Variants in KDM4C observed in about 807,000 individuals in gnomAD.
KDM4C encodes lysine demethylase 4C.
A neutral mutation model predicts 129.3 loss-of-function variants in KDM4C; 81 were observed. That is an observed-to-expected ratio of 0.63 (90% CI 0.52 to 0.75). The LOEUF (loss-of-function observed/expected upper bound fraction) is 0.75, where lower values mean the gene tolerates loss of function less well. KDM4C is among the 30% of genes least tolerant of loss of function. The probability of loss-of-function intolerance (pLI) is 0.00; values close to 1 mark genes in which losing one functional copy is unlikely to be tolerated. For missense variants in KDM4C, 1,457 were observed against 1,304.0 expected, an observed-to-expected ratio of 1.12 and a Z score of -1.81; for synonymous variants, 573 against 456.1, an observed-to-expected ratio of 1.26 and a Z score of -3.26.
Position 7,052,464 on chromosome 9 carries a change from T to C in KDM4C, c.2424+3264T>C, listed in dbSNP as rs187806464. Among the ~76,000 whole-genome samples, 45 of 152,348 alleles carry C rather than the reference T, an allele frequency of 3.0e-4. 1 individual carries two copies. In the East Asian group the frequency reaches 7.7e-3, roughly 26 times the overall value. On this transcript the variant is annotated intron_variant, in intron 17 of 21. Coordinates refer to ENST00000381309, the MANE Select transcript of KDM4C (RefSeq NM_015061.6). ...AATGACTGTGGCTGGAGGAGTGCGA[T>C]CAGACAATAACAAATGGCCTTTGCC...
At chr9:7,017,733 T>G (rs1396781615) in intron 15 of KDM4C, among the ~76,000 whole-genome samples, 1 of 152,220 alleles carries the variant, frequency 6.6e-6, no homozygotes, top group East Asian at 1.9e-4. Context: ...CAGCATTTAC[T>G]TTATTCCTCA....
intron 9 of KDM4C, among the ~76,000 whole-genome samples, chr9:6,982,925 C>G (rs1817018615): frequency 6.6e-6 from 1 of 152,148 alleles, no homozygotes; most frequent in Non-Finnish European, 1.5e-5. Context: ...AGCCTTGTGG[C>G]TTGATATTTA....
At chr9:6,862,206 T>C (rs1046809366) in intron 5 of KDM4C, among the ~76,000 whole-genome samples, 1 of 152,242 alleles carries the variant, frequency 6.6e-6, no homozygotes, top group African/African-American at 2.4e-5. Context: ...TTTGGGAAGA[T>C]ATTATACTTG....
intron 8 of KDM4C, among the ~76,000 whole-genome samples, chr9:6,902,283 C>T (rs1048127149): frequency 1.3e-4 from 20 of 152,066 alleles, no homozygotes; most frequent in Non-Finnish European, 2.4e-4. Context: ...TAAACATGCC[C>T]AGTAGTACTT....
intron 18 of KDM4C, among the ~76,000 whole-genome samples, chr9:7,123,647 A>G (rs1385330841): frequency 6.6e-6 from 1 of 152,138 alleles, no homozygotes; most frequent in South Asian, 2.1e-4. Flanking sequence ...CGTAGAGTTT[A>G]CCCTGTCATT....
At chr9:6,779,450 C>G (rs868632173) in intron 1 of KDM4C, among the ~76,000 whole-genome samples, 22 of 152,308 alleles carry the variant, frequency 1.4e-4, no homozygotes, top group East Asian at 5.8e-4. Flanking sequence ...AGTTCTGGCA[C>G]GATTCCTGAC....
At chr9:6,879,801 ATTGAAATTGGTAATTTAT>A (rs1844161437) in intron 5 of KDM4C, among the ~76,000 whole-genome samples, 193 bp from the exon 6 acceptor site, 1 of 152,136 alleles carries the variant, frequency 6.6e-6, no homozygotes, top group Non-Finnish European at 1.5e-5. Context: ...GAGTTGTGAC[ATTGAAATTGGTAATTTAT>A]AGGCATATTT....
chr9:7,056,620 CTG>C (rs755688378), intron 17 of KDM4C, among the ~76,000 whole-genome samples: 2 of 152,138 alleles, frequency 1.3e-5, no homozygotes, highest in Non-Finnish European at 2.9e-5. Flanking sequence ...GAGAGAAAAA[CTG>C]TGAGACAAAA....
At chr9:6,740,250 C>T (rs1008004672) in intron 1 of KDM4C, among the ~76,000 whole-genome samples, 1 of 151,632 alleles carries the variant, frequency 6.6e-6, no homozygotes, top group Non-Finnish European at 1.5e-5. Context: ...GTTGCCCAGG[C>T]TGGAGTGCAG....
At chr9:6,731,174 C>A (rs1160926373) in intron 1 of KDM4C, among the ~76,000 whole-genome samples, 1 of 152,086 alleles carries the variant, frequency 6.6e-6, no homozygotes, top group Non-Finnish European at 1.5e-5. Context: ...AAGGTGGGAA[C>A]AAGGACTCAG....
chr9:7,136,722 A>G (rs890865525), intron 19 of KDM4C, among the ~76,000 whole-genome samples: 1 of 152,206 alleles, frequency 6.6e-6, no homozygotes, highest in Non-Finnish European at 1.5e-5. Flanking sequence ...GTCTGTACAT[A>G]TCCTTTATCA....
intron 1 of KDM4C, among the ~76,000 whole-genome samples, chr9:6,731,325 C>CTTTTTTTTTTTTTTTTTTTTTTTTCTTT (rs34724329): frequency 8.8e-6 from 1 of 114,052 alleles, no homozygotes; most frequent in Non-Finnish European, 1.7e-5. Flanking sequence ...TTTTTTTTTG[C>CTTTTTTTTTTTTTTTTTTTTTTTTCTTT]TTTTTTTTTT....
At chr9:6,920,552 G>GACTCCATCTCAA (rs144597572) in intron 8 of KDM4C, among the ~76,000 whole-genome samples, 6 of 87,660 alleles carry the variant, frequency 6.8e-5, no homozygotes, top group African/African-American at 6.7e-5. Context: ...AACAGAACAA[G>GACTCCATCTCAA]AAAAAAAAAA....
chr9:7,018,588 A>G (rs540904906), intron 15 of KDM4C, among the ~76,000 whole-genome samples: 12 of 152,348 alleles, frequency 7.9e-5, no homozygotes, highest in African/African-American at 2.9e-4. Flanking sequence ...AGATTATCTG[A>G]TCAGCTCACC....
intron 1 of KDM4C, among the ~76,000 whole-genome samples, chr9:6,765,293 T>C (rs531725684): frequency 4.6e-4 from 70 of 152,278 alleles, no homozygotes; most frequent in African/African-American, 1.7e-3. Flanking sequence ...ATGTGCTGTT[T>C]TTTGCCTGAC....
chr9:7,159,049 G>A (rs1843497224), intron 19 of KDM4C, among the ~76,000 whole-genome samples: 1 of 152,204 alleles, frequency 6.6e-6, no homozygotes, highest in Non-Finnish European at 1.5e-5. Context: ...ATATATTTAG[G>A]AGAGTTAGCT....
At chr9:6,733,500 C>G (rs1013192538) in intron 1 of KDM4C, among the ~76,000 whole-genome samples, 1 of 152,222 alleles carries the variant, frequency 6.6e-6, no homozygotes, top group South Asian at 2.1e-4. Context: ...GTCTCAGGGC[C>G]ATCTTACTGC....
At chr9:6,973,350 C>T (rs1228099285) in intron 8 of KDM4C, among the ~76,000 whole-genome samples, 1 of 152,080 alleles carries the variant, frequency 6.6e-6, no homozygotes, top group African/African-American at 2.4e-5. Flanking sequence ...CAGCCCCTGA[C>T]CATATTGTTA....
chr9:6,775,552 CG>C (rs1308543528), intron 1 of KDM4C, among the ~76,000 whole-genome samples: 2 of 151,396 alleles, frequency 1.3e-5, no homozygotes, highest in Non-Finnish European at 1.5e-5. Flanking sequence ...GATGGAGTTT[CG>C]TTCTTATTGC....
Sources: gnomAD v4.1 joint callset for allele counts (sites outside exome capture counted in the v4.1 genomes callset) on GRCh38, gnomAD v4.1.1 for gene constraint, MANE v1.5 for transcripts, NCBI Gene and HGNC (gene_info 2026-07-23, HGNC 2026-07-21) for gene names.